The following CADPS variants were observed in gnomAD, a reference collection of about 807,000 sequenced individuals.
The protein encoded by CADPS is calcium-dependent secretion activator 1.
In CADPS, 57 loss-of-function variants were observed where a neutral mutation model predicts 167.3. The observed-to-expected ratio is 0.34, with a 90% confidence interval of 0.28 to 0.42. The LOEUF (loss-of-function observed/expected upper bound fraction) is 0.42, where lower values mean the gene tolerates loss of function less well. Ranked by LOEUF, CADPS falls within the 20% of genes least tolerant of loss-of-function variation. The pLI is 1.00. For synonymous variants in CADPS, 676 were observed against 635.3 expected (o/e 1.06, Z -0.96); for missense variants, 1,414 against 1,738.1 (o/e 0.81, Z 3.32).
chr3:62,856,735 A>G (rs1019392275), intron 1 of CADPS, among the ~76,000 whole-genome samples: 5 of 152,002 alleles, frequency 3.3e-5, no homozygotes, highest in Non-Finnish European at 5.9e-5. Flanking sequence ...CATTTGCATT[A>G]TGCATTTAAC....
intron 26 of CADPS, among the ~76,000 whole-genome samples, chr3:62,450,564 A>G (rs893072169): frequency 6.6e-6 from 1 of 152,152 alleles, no homozygotes; most frequent in Non-Finnish European, 1.5e-5. Flanking sequence ...CTCTGGTAGG[A>G]CAACCCATAT....
In CADPS at chr3:62,676,324, T is replaced by C. The variant is rs149248569; in HGVS notation, c.889-13930A>G. Reference sequence around the variant, plus strand: ...AAAAGAGGTGTTCAATATATATTTGTTGAGTGATTGTCTATAAATATTTCA... The same window carrying C: ...AAAAGAGGTGTTCAATATATATTTGCTGAGTGATTGTCTATAAATATTTCA... On this transcript the variant is annotated intron_variant, in intron 3 of 29. Transcript: ENST00000383710. Among the ~76,000 whole-genome samples, 1,159 of 152,286 alleles carry C rather than the reference T, an allele frequency of 7.6e-3. 7 individuals carry two copies. The highest frequency in any genetic ancestry group is 9.9e-3 in the Non-Finnish European group (675 of 68,006).
chr3:62,713,504 T>G (rs947770810), intron 3 of CADPS, among the ~76,000 whole-genome samples: 1 of 152,182 alleles, frequency 6.6e-6, no homozygotes, highest in African/African-American at 2.4e-5. Context: ...AATCTCTGCA[T>G]GATCCACACC....
intron 6 of CADPS, among the ~76,000 whole-genome samples, chr3:62,599,804 A>ATATT (rs1562714694): frequency 3.0e-3 from 39 of 13,172 alleles, no homozygotes; most frequent in Middle Eastern, 0.045. Flanking sequence ...TATAATATAT[A>ATATT]ATAAATAATA....
At chr3:62,557,627 A>G in intron 9 of CADPS, 114 bp from the exon 10 acceptor site, 1 of 792,580 alleles carries the variant, frequency 1.3e-6, no homozygotes, top group Non-Finnish European at 2.2e-6. Flanking sequence ...GTTCAAACTG[A>G]GTTTTGCTAC....
At chr3:62,756,773 T>C (rs2084023563) in intron 2 of CADPS, among the ~76,000 whole-genome samples, 1 of 152,024 alleles carries the variant, frequency 6.6e-6, no homozygotes, top group Non-Finnish European at 1.5e-5. Flanking sequence ...GAAGGAACAA[T>C]ACGTGTGAAG....
chr3:62,478,435 G>GA lies in CADPS; in HGVS notation c.3174-20dup, dbSNP rs773227135. 9.9e-6 allele frequency: 16 copies of GA among 1,608,086 alleles called. No individual in the cohort carries two copies. The Admixed American group carries it at 1.7e-4, about 17-fold the overall frequency. ...CCCATTACTGGCAGGACAAAAATTA[G>GA]AAAATGAGAGTCACCCACTGGCCTC... On this transcript the variant is annotated intron_variant, in intron 22 of 29. Coordinates refer to ENST00000383710, the MANE Select transcript of CADPS (RefSeq NM_003716.4). The surrounding 1 kb of genome is among the most constrained non-coding windows in gnomAD (Gnocchi z 5.7).
chr3:62,515,996 A>G, intron 16 of CADPS, 63 bp downstream of exon 16: 1 of 1,598,948 alleles, frequency 6.3e-7, no homozygotes, highest in Non-Finnish European at 8.6e-7. Flanking sequence ...GAAAAGAGAA[A>G]GACTTCCCCA....
At position 62,732,079 on chromosome 3, in the gene CADPS, A is replaced by G. The variant is rs147168207; in HGVS notation, c.888+21362T>C. On this transcript the variant is annotated intron_variant, in intron 3 of 29. Transcript: ENST00000383710. ...ATTGTCTCATTTTGAACTTCCTCAT[A>G]GTCTTGTGAAGTAGGCATTTGTGGT... Among the ~76,000 whole-genome samples the G allele has an allele frequency of 5.1e-3, 778 of 152,228 alleles. 2 individuals carry two copies. Among genetic ancestry groups the G allele is most frequent in the Non-Finnish European group, 8.0e-3 (544 of 68,004 alleles).
chr3:62,851,341 CGTTA>C (rs1425598023), intron 1 of CADPS, among the ~76,000 whole-genome samples: 3 of 117,246 alleles, frequency 2.6e-5, no homozygotes, highest in Non-Finnish European at 5.3e-5. Context: ...TGATTTTGCT[CGTTA>C]GTTGATGCAG....
chr3:62,855,750 C>T (rs2079553926), intron 1 of CADPS, among the ~76,000 whole-genome samples: 1 of 152,098 alleles, frequency 6.6e-6, no homozygotes, highest in Non-Finnish European at 1.5e-5. Context: ...CATGGGTTCG[C>T]TGATTGAAGT....
At chr3:62,808,011 C>T (rs1399337376) in intron 1 of CADPS, among the ~76,000 whole-genome samples, 1 of 151,806 alleles carries the variant, frequency 6.6e-6, no homozygotes, top group Non-Finnish European at 1.5e-5. Flanking sequence ...GTAGCTGGGA[C>T]TACGGGCGCA....
At chr3:62,869,924 G>C (rs999791411) in intron 1 of CADPS, among the ~76,000 whole-genome samples, 1 of 152,148 alleles carries the variant, frequency 6.6e-6, no homozygotes, top group Admixed American at 6.5e-5. Context: ...GCAGTGGGAA[G>C]ATCCCTAAGT....
intron 1 of CADPS, among the ~76,000 whole-genome samples, chr3:62,778,496 G>T (rs1398719570): frequency 6.6e-6 from 1 of 151,962 alleles, no homozygotes; most frequent in East Asian, 1.9e-4. Flanking sequence ...CTCTCTGATG[G>T]CTCCTTCCAG....
At chr3:62,731,347 A>G (rs2077746601) in intron 3 of CADPS, among the ~76,000 whole-genome samples, 1 of 152,082 alleles carries the variant, frequency 6.6e-6, no homozygotes, top group Admixed American at 6.6e-5. Flanking sequence ...GATGGCATAG[A>G]GGTGTAAGGC....
At chr3:62,783,218 C>T (rs1251200292) in intron 1 of CADPS, among the ~76,000 whole-genome samples, 1 of 152,086 alleles carries the variant, frequency 6.6e-6, no homozygotes, top group Non-Finnish European at 1.5e-5. Context: ...GATGTGTGTT[C>T]TCTCTGTTTC....
intron 6 of CADPS, among the ~76,000 whole-genome samples, chr3:62,594,419 C>T (rs1488706773): frequency 1.3e-5 from 2 of 152,128 alleles, no homozygotes; most frequent in African/African-American, 4.8e-5. Context: ...CCTCGGCCTC[C>T]CAAAGTGCTG....
At chr3:62,484,979 C>T (rs1561056947) in intron 21 of CADPS, among the ~76,000 whole-genome samples, 3 of 152,242 alleles carry the variant, frequency 2.0e-5, no homozygotes, top group East Asian at 3.9e-4. Context: ...GGGGCAGGGG[C>T]ATTCTCTAAT....
At chr3:62,515,923 T>C in intron 16 of CADPS, 136 bp downstream of exon 16, 1 of 1,001,672 alleles carries the variant, frequency 1.0e-6, no homozygotes, top group South Asian at 1.7e-5. Context: ...CTTCGACATT[T>C]CAGGTGCTTC....
Sources: gnomAD v4.1 joint callset for allele counts (sites outside exome capture counted in the v4.1 genomes callset) on GRCh38, gnomAD v4.1.1 for gene constraint, Gnocchi (gnomAD v3.1) non-coding constraint, MANE v1.5 for transcripts, NCBI Gene and HGNC (gene_info 2026-07-23, HGNC 2026-07-21) for gene names.